LARGE1: variants seen among roughly 807,000 people sequenced by gnomAD.
LARGE1 encodes the protein xylosyl- and glucuronyltransferase LARGE1.
A neutral mutation model predicts 87.6 loss-of-function variants in LARGE1; 43 were observed. That is an observed-to-expected ratio of 0.49 (90% CI 0.38 to 0.63). The LOEUF (loss-of-function observed/expected upper bound fraction) is 0.63, where lower values mean the gene tolerates loss of function less well. LARGE1 is among the 30% of genes least tolerant of loss of function. LARGE1 has a pLI of 0.00. For synonymous variants in LARGE1, 434 were observed against 394.6 expected, an observed-to-expected ratio of 1.10 and a Z score of -1.18; for missense variants, 802 against 1,000.2, an observed-to-expected ratio of 0.80 and a Z score of 2.67.
At chr22:33,647,107 A>G (rs2080642566) in intron 3 of LARGE1, among the ~76,000 whole-genome samples, 3 of 152,222 alleles carry the variant, frequency 2.0e-5, no homozygotes, top group Non-Finnish European at 4.4e-5. Context: ...CTGTATTCTC[A>G]GGGGCTACTC....
At chr22:33,554,635 A>G (rs905878505) in intron 6 of LARGE1, among the ~76,000 whole-genome samples, 49 of 152,146 alleles carry the variant, frequency 3.2e-4, no homozygotes, top group African/African-American at 1.2e-3. Flanking sequence ...TTTTGCTGAG[A>G]CTGAAGCCTC....
At chr22:33,099,585 G>A in the LARGE1 span, among the ~76,000 whole-genome samples, 1 of 152,168 alleles carries the variant, frequency 6.6e-6, no homozygotes, top group Non-Finnish European at 1.5e-5. Flanking sequence ...GGTGGGCAAG[G>A]CGTGTTCCCA....
chr22:33,162,463 C>A (rs1449071851), exon 12 of LARGE1: 2 of 152,232 alleles, frequency 1.3e-5, no homozygotes, highest in African/African-American at 4.8e-5. Flanking sequence ...CCAGGTCCCT[C>A]CCCTGACACG....
intron 5 of LARGE1, among the ~76,000 whole-genome samples, chr22:33,582,626 C>T (rs560087617): frequency 2.0e-5 from 3 of 152,316 alleles, no homozygotes; most frequent in African/African-American, 7.2e-5. Context: ...GGGATTACGC[C>T]TTTCCACTGT....
intron 2 of LARGE1, among the ~76,000 whole-genome samples, chr22:33,688,373 C>T (rs573739841): frequency 1.3e-3 from 202 of 152,208 alleles, no homozygotes; most frequent in African/African-American, 4.6e-3. Context: ...TTTTTTGAGA[C>T]GGAGTTTTGC....
At chr22:33,246,978 G>A (rs1469887266) in intron 11 of LARGE1, among the ~76,000 whole-genome samples, 1 of 151,740 alleles carries the variant, frequency 6.6e-6, no homozygotes, top group Non-Finnish European at 1.5e-5. Context: ...CCAACAATAT[G>A]TCTCACAATC....
intron 6 of LARGE1, among the ~76,000 whole-genome samples, chr22:33,450,332 G>C (rs2067859208): frequency 6.6e-6 from 1 of 150,864 alleles, no homozygotes; most frequent in Non-Finnish European, 1.5e-5. Context: ...AAGAACATGA[G>C]AACTCCAATA....
chr22:33,238,415 T>G (rs1926356835), intron 11 of LARGE1, among the ~76,000 whole-genome samples: 1 of 152,192 alleles, frequency 6.6e-6, no homozygotes, highest in African/African-American at 2.4e-5. Context: ...TAGGGCGTGA[T>G]TTGACAATAT....
intron 1 of LARGE1, among the ~76,000 whole-genome samples, chr22:33,848,627 T>G (rs1027766543): frequency 6.6e-6 from 1 of 152,178 alleles, no homozygotes; most frequent in Non-Finnish European, 1.5e-5. Flanking sequence ...CCTTGCACAC[T>G]GCCAGACACT....
chr22:33,773,219 C>T (rs1450222687), intron 1 of LARGE1, among the ~76,000 whole-genome samples: 1 of 152,202 alleles, frequency 6.6e-6, no homozygotes, highest in Admixed American at 6.5e-5. Flanking sequence ...GATCCTCTGG[C>T]CTGTCAAACT....
the LARGE1 span, among the ~76,000 whole-genome samples, chr22:33,104,642 A>G: frequency 2.0e-5 from 3 of 152,220 alleles, no homozygotes; most frequent in Non-Finnish European, 4.4e-5. Flanking sequence ...GATCCCATCT[A>G]TCTTCCCTGT....
chr22:33,849,592 CTTTTTTTTT>C (rs71187287), intron 1 of LARGE1, among the ~76,000 whole-genome samples: 3 of 88,592 alleles, frequency 3.4e-5, no homozygotes, highest in African/African-American at 1.4e-4. Context: ...CTTTTCTTCT[CTTTTTTTTT>C]TTTTTTTTTT....
chr22:33,848,164 G>A (rs999132910), intron 1 of LARGE1, among the ~76,000 whole-genome samples: 5 of 152,064 alleles, frequency 3.3e-5, no homozygotes, highest in South Asian at 2.1e-4. Flanking sequence ...TGAGTCCTCC[G>A]TATTTCTTTT....
chr22:33,247,494 G>C (rs978436948), intron 11 of LARGE1, among the ~76,000 whole-genome samples: 1 of 152,134 alleles, frequency 6.6e-6, no homozygotes, highest in African/African-American at 2.4e-5. Context: ...TCCAAATGCT[G>C]CCACAGATCA....
At chr22:33,903,844 A>G (rs2065356520) in intron 1 of LARGE1, among the ~76,000 whole-genome samples, 1 of 152,130 alleles carries the variant, frequency 6.6e-6, no homozygotes, top group Non-Finnish European at 1.5e-5. Context: ...AACAAAACAA[A>G]AAAAGTCTTG....
the LARGE1 span, among the ~76,000 whole-genome samples, chr22:33,111,988 T>G: frequency 6.6e-6 from 1 of 152,036 alleles, no homozygotes; most frequent in Non-Finnish European, 1.5e-5. Flanking sequence ...ATATGGGAAA[T>G]AAATGAAGGC....
At chr22:33,199,214 T>TC (rs137440) in intron 11 of LARGE1, among the ~76,000 whole-genome samples, 84,645 of 151,348 alleles carry the variant, frequency 0.56, 24,067 homozygotes, top group Middle Eastern at 0.62. Context: ...GGTTTTTTTT[T>TC]TTCTTATGGA....
chr22:33,739,307 C>T (rs951243835), intron 2 of LARGE1, among the ~76,000 whole-genome samples: 6 of 152,202 alleles, frequency 3.9e-5, no homozygotes, highest in Non-Finnish European at 7.4e-5. Context: ...GATGAACTCT[C>T]GAGCCTCCCT....
intron 9 of LARGE1, among the ~76,000 whole-genome samples, chr22:33,381,162 T>A (rs1200784813): frequency 6.6e-6 from 1 of 152,208 alleles, no homozygotes; most frequent in Non-Finnish European, 1.5e-5. Context: ...AGCTGTCCCA[T>A]CTGAAGCTGA....
Sources: gnomAD v4.1 joint callset for allele counts (sites outside exome capture counted in the v4.1 genomes callset) on GRCh38, gnomAD v4.1.1 for gene constraint, MANE v1.5 for transcripts, NCBI Gene and HGNC (gene_info 2026-07-23, HGNC 2026-07-21) for gene names.